The following TFDP1 variants were observed in gnomAD, a reference collection of about 807,000 sequenced individuals.
TFDP1 encodes transcription factor Dp-1, also known as DRTF1-polypeptide 1.
A neutral mutation model predicts 48.0 loss-of-function variants in TFDP1; 6 were observed. That is an observed-to-expected ratio of 0.13 (90% CI 0.07 to 0.25). The LOEUF (loss-of-function observed/expected upper bound fraction) is 0.25, where lower values mean the gene tolerates loss of function less well. Ranked by LOEUF, TFDP1 falls within the 10% of genes least tolerant of loss-of-function variation. The probability of loss-of-function intolerance (pLI) is 1.00; values close to 1 mark genes in which losing one functional copy is unlikely to be tolerated. For synonymous variants in TFDP1, 201 were observed against 211.6 expected (o/e 0.95, Z 0.44); for missense variants, 335 against 543.0 (o/e 0.62, Z 3.81).
intron 2 of TFDP1, among the ~76,000 whole-genome samples, chr13:113,587,460 G>A (rs1476988115): frequency 1.3e-5 from 2 of 151,456 alleles, no homozygotes; most frequent in Admixed American, 1.3e-4. Flanking sequence ...ACAAGTCAAG[G>A]AATTTGATGT....
At chr13:113,586,893 C>T (rs999899123) in intron 2 of TFDP1, among the ~76,000 whole-genome samples, 2 of 152,198 alleles carry the variant, frequency 1.3e-5, no homozygotes, top group Admixed American at 6.5e-5. Context: ...TACTTTTATC[C>T]TCTCCACTGT....
intron 1 of TFDP1, 104 bp downstream of exon 1, chr13:113,584,992 G>T (rs1266034517): frequency 6.8e-6 from 1 of 146,516 alleles, no homozygotes; most frequent in Non-Finnish European, 1.5e-5. Flanking sequence ...TGTAGGCGCC[G>T]CGCGGCCCCG....
chr13:113,617,875 G>A (rs534163916), intron 3 of TFDP1, among the ~76,000 whole-genome samples: 121 of 152,308 alleles, frequency 7.9e-4, no homozygotes, highest in Non-Finnish European at 1.5e-3. Context: ...TAATAGAATA[G>A]GATTAGTAAT....
At chr13:113,622,059 C>T (rs749670111) in intron 3 of TFDP1, among the ~76,000 whole-genome samples, 3 of 152,212 alleles carry the variant, frequency 2.0e-5, no homozygotes, top group African/African-American at 4.8e-5. Context: ...CTCTCTGCCT[C>T]GGCTGCCAGG....
At position 113,623,232 on chromosome 13, in the gene TFDP1, G is replaced by A. The variant is rs1290659873; in HGVS notation, c.132G>A (p.Lys44=). Residue 44 remains lysine, a synonymous_variant, in exon 4 of 12, where the codon AAG becomes AAA. Transcript: ENST00000375370. The surrounding 1 kb of genome is among the most constrained non-coding windows in gnomAD (Gnocchi z 5.2). The stretch of plus-strand genomic sequence containing the variant: ...CCTCCACCGTCAACCCGCTCGGGAA[G>A]CAGCTCTTGCCAAAAACCTTTGGAC... ...VHPSTVNPLG[K]QLLPKTFGQS... 1.2e-6 allele frequency: 2 copies of A among 1,613,714 alleles called. No homozygotes were observed. The highest frequency in any genetic ancestry group is 1.7e-5 in the Admixed American group (1 of 59,996).
At chr13:113,630,311 C>T (rs2049302043) in intron 4 of TFDP1, among the ~76,000 whole-genome samples, 1 of 152,220 alleles carries the variant, frequency 6.6e-6, no homozygotes, top group African/African-American at 2.4e-5. Context: ...GAAGGCCGCA[C>T]TCTGATGAGT....
At position 113,599,164 on chromosome 13, in the gene TFDP1, C is replaced by T. The variant is rs116109285; in HGVS notation, c.13-11832C>T. On this transcript the variant is annotated intron_variant, in intron 2 of 11. Transcript: ENST00000375370. Reference sequence around the variant, plus strand: ...TGCTATGTTTTACTCAACAGTTTGTCCTAGGTTTTTTTTTTTCACATCAAT... The same window carrying T: ...TGCTATGTTTTACTCAACAGTTTGTTCTAGGTTTTTTTTTTTCACATCAAT... Among the ~76,000 whole-genome samples, 1,192 of 151,758 alleles carry T rather than the reference C, an allele frequency of 7.9e-3. 13 individuals are homozygous for T. Among genetic ancestry groups the T allele is most frequent in the African/African-American group, 0.027 (1,137 of 41,378 alleles).
chr13:113,640,177 C>G lies in TFDP1; in HGVS notation c.1143C>G (p.Tyr381Ter). ...CCACAAGCTCCAATGGGTCTCAGTA[C>G]AGCGGCTCCAGGGTGGAGACTCCGG... is the stretch of plus-strand genomic sequence containing the variant. ...MLATSSNGSQ[Y>*]SGSRVETPVS... Residue 381 changes from tyrosine to a stop codon, truncating the protein, a stop_gained, in exon 12 of 12, where the codon TAC (tyrosine) becomes TAG (stop). Transcript: ENST00000375370. LOFTEE classifies it high-confidence loss of function. 1 of 1,613,504 alleles carries G rather than the reference C, an allele frequency of 6.2e-7. No individual in the cohort carries two copies. The highest frequency in any genetic ancestry group is 8.5e-7 in the Non-Finnish European group (1 of 1,179,818).
At chr13:113,595,604 A>C (rs957703746) in intron 2 of TFDP1, among the ~76,000 whole-genome samples, 9 of 152,210 alleles carry the variant, frequency 5.9e-5, no homozygotes, top group Non-Finnish European at 5.9e-5. Flanking sequence ...TTTCCAGTTA[A>C]ATCTTCCCAA....
In TFDP1 at chr13:113,640,462, T is replaced by TA. The variant is rs1290595598; in HGVS notation, c.*196dup. 6.1e-6 allele frequency: 5 copies of TA among 818,324 alleles called. No homozygotes were observed. In the African/African-American group the frequency reaches 7.2e-5, roughly 12 times the overall value. The allele number at this position is 818,324 out of a possible 1,614,324, so 50.7% of individuals were successfully genotyped here. A position where few individuals can be genotyped will look rare whatever the true frequency, so the allele number is the denominator to read the frequency against. ...GACGTGCTGTGGATGTGTGTTTTGATACCAGTGTGCTGATGCAGAGCGTTT... is the reference window on the plus strand; with the variant it reads ...GACGTGCTGTGGATGTGTGTTTTGATAACCAGTGTGCTGATGCAGAGCGTTT... On this transcript the variant is annotated 3_prime_UTR_variant, in exon 12 of 12. Transcript: ENST00000375370.
At chr13:113,586,560 C>T (rs1293725127) in intron 2 of TFDP1, among the ~76,000 whole-genome samples, 1 of 152,214 alleles carries the variant, frequency 6.6e-6, no homozygotes, top group Non-Finnish European at 1.5e-5. Context: ...CACCGTGCAT[C>T]GTTTTGTAAC....
chr13:113,627,722 G>A lies in TFDP1; in HGVS notation c.187-3901G>A, dbSNP rs528388446. On this transcript the variant is annotated intron_variant, in intron 4 of 11. Transcript: ENST00000375370. This position sits in a 1 kb window ranked among gnomAD's most constrained non-coding sequence, Gnocchi z 4.1. ...ATCCCAGCATTAGGTTCTCAGGAGC[G>A]CAAACCCCACTGTGAACGGCACATG... is the stretch of plus-strand genomic sequence containing the variant. Among the ~76,000 whole-genome samples the A allele has an allele frequency of 2.9e-4, 42 of 144,998 alleles. 1 individual carries two copies. The highest frequency in any genetic ancestry group is 4.9e-4 in the Non-Finnish European group (33 of 67,994).
chr13:113,633,132 G>C lies in TFDP1; in HGVS notation c.321G>C (p.Arg107Ser), dbSNP rs1360411152. ...SSPWSAGKRN[R>S]KGEKNGKGLR... ...TTGTATTTTGAAGGAAGCGCAACAGGAAAGGAGAGAAGAATGGCAAGGGCC... is the reference window on the plus strand; with the variant it reads ...TTGTATTTTGAAGGAAGCGCAACAGCAAAGGAGAGAAGAATGGCAAGGGCC... The change falls in exon 6 of 12, where the codon AGG becomes AGC. Residue 107 changes from arginine to serine, a missense_variant. Transcript: ENST00000375370. This position sits in a 1 kb window ranked among gnomAD's most constrained non-coding sequence, Gnocchi z 4.5. 6.2e-7 allele frequency: 1 copy of C among 1,614,168 alleles called. No homozygotes were observed. The highest frequency in any genetic ancestry group is 2.2e-5 in the East Asian group (1 of 44,884).
chr13:113,629,810 G>T (rs562262094), intron 4 of TFDP1, among the ~76,000 whole-genome samples: 2 of 152,208 alleles, frequency 1.3e-5, no homozygotes, highest in African/African-American at 4.8e-5. Context: ...GTTTGCTCCT[G>T]CCTGGAGGAC....
In TFDP1 at chr13:113,613,682, AGTGT is replaced by A. The variant is rs755151778; in HGVS notation, c.79+2629_79+2632del. ...GTGGGTATGAGTGTGTGTGTGCATGAGTGTGTGTGTGTATGCGTGAATGCGTGGG... is the reference window on the plus strand; with the variant it reads ...GTGGGTATGAGTGTGTGTGTGCATGAGTGTGTGTATGCGTGAATGCGTGGG... On this transcript the variant is annotated intron_variant, in intron 3 of 11. Coordinates refer to ENST00000375370, the MANE Select transcript of TFDP1 (RefSeq NM_007111.5). Among the ~76,000 whole-genome samples the A allele has an allele frequency of 2.3e-3, 290 of 125,786 alleles. 1 individual carries two copies. Among genetic ancestry groups the A allele is most frequent in the East Asian group, 0.01 (39 of 3,748 alleles). The allele number at this position is 125,786 out of a possible 152,430, so 82.5% of individuals were successfully genotyped here. A position where few individuals can be genotyped will look rare whatever the true frequency, so the allele number is the denominator to read the frequency against.
At chr13:113,614,519 C>T (rs965193669) in intron 3 of TFDP1, among the ~76,000 whole-genome samples, 3 of 152,186 alleles carry the variant, frequency 2.0e-5, no homozygotes, top group Admixed American at 2.0e-4. Flanking sequence ...AGAGGCCTCC[C>T]TTGAGTCAGA....
At position 113,607,215 on chromosome 13, in the gene TFDP1, C is replaced by T. The variant is rs1039277074; in HGVS notation, c.13-3781C>T. 6.6e-6 allele frequency among the ~76,000 whole-genome samples: 1 copy of T among 152,220 alleles called. No homozygotes were observed. The highest frequency in any genetic ancestry group is 6.5e-5 in the Admixed American group (1 of 15,292). ...CACTGTTGCTGCGGCTGAGACAGCG[C>T]AGGGCGTCATTCATCCCCCTGCCTC... On this transcript the variant is annotated intron_variant, in intron 2 of 11. Transcript: ENST00000375370. The surrounding 1 kb of genome is among the most constrained non-coding windows in gnomAD (Gnocchi z 5.2).
At chr13:113,599,543 C>T (rs1175790650) in intron 2 of TFDP1, among the ~76,000 whole-genome samples, 1 of 152,246 alleles carries the variant, frequency 6.6e-6, no homozygotes, top group Admixed American at 6.5e-5. Flanking sequence ...CCTTCGAAAC[C>T]CTCAAAGGTG....
At position 113,623,400 on chromosome 13, in the gene TFDP1, A is replaced by G. The variant is rs1350003086; in HGVS notation, c.186+114A>G. On this transcript the variant is annotated intron_variant, in intron 4 of 11. Coordinates refer to ENST00000375370, the MANE Select transcript of TFDP1 (RefSeq NM_007111.5). The surrounding 1 kb of genome is among the most constrained non-coding windows in gnomAD (Gnocchi z 5.2). Reference sequence around the variant, plus strand: ...CCTGGATTTGGGCTCCAGTTGCAGCATGGGGCCTTTCCCTCATCAGGGAGC... The same window carrying G: ...CCTGGATTTGGGCTCCAGTTGCAGCGTGGGGCCTTTCCCTCATCAGGGAGC... 1.0e-5 allele frequency: 10 copies of G among 968,334 alleles called. No homozygotes were observed. The highest frequency in any genetic ancestry group is 1.5e-5 in the Non-Finnish European group (10 of 646,954). The allele number at this position is 968,334 out of a possible 1,614,324, so 60.0% of individuals were successfully genotyped here.
Sources: allele counts gnomAD v4.1 joint callset (sites outside exome capture counted in the v4.1 genomes callset), GRCh38; gene constraint gnomAD v4.1.1; non-coding constraint Gnocchi (gnomAD v3.1); transcripts MANE v1.5; gene names NCBI Gene and HGNC (gene_info 2026-07-23, HGNC 2026-07-21).